The following QTMAN variants were observed in gnomAD, a reference collection of about 807,000 sequenced individuals.
The protein encoded by QTMAN is queuosine-tRNA mannosyltransferase.
the QTMAN span, chr2:144,177,252 T>TAAAA: frequency 5.1e-4 from 297 of 583,430 alleles, no homozygotes; most frequent in Admixed American, 1.4e-3. Flanking sequence ...TTGATCCCAA[T>TAAAA]AAAAAAAAAA....
the QTMAN span, among the ~76,000 whole-genome samples, chr2:144,076,095 A>G: frequency 2.0e-5 from 3 of 152,148 alleles, no homozygotes; most frequent in Non-Finnish European, 2.9e-5. Context: ...AAAAATACAA[A>G]AATTAGCTGG....
chr2:144,050,125 G>T, the QTMAN span, among the ~76,000 whole-genome samples: 4 of 151,908 alleles, frequency 2.6e-5, no homozygotes, highest in Non-Finnish European at 5.9e-5. Flanking sequence ...AATTCCAAAG[G>T]CTTTGTATTT....
At chr2:143,957,510 A>C in the QTMAN span, among the ~76,000 whole-genome samples, 1 of 152,154 alleles carries the variant, frequency 6.6e-6, no homozygotes, top group Non-Finnish European at 1.5e-5. Flanking sequence ...CCAAATGTTA[A>C]GGTGCCAAAA....
the QTMAN span, among the ~76,000 whole-genome samples, chr2:144,267,197 G>C: frequency 6.6e-6 from 1 of 152,194 alleles, no homozygotes; most frequent in Non-Finnish European, 1.5e-5. Flanking sequence ...ATCAGAGTGT[G>C]AGAATTATGA....
chr2:144,330,453 C>T, the QTMAN span, among the ~76,000 whole-genome samples: 2 of 152,294 alleles, frequency 1.3e-5, no homozygotes, highest in South Asian at 2.1e-4. Context: ...GGTTTATATA[C>T]ACCATAACTC....
the QTMAN span, among the ~76,000 whole-genome samples, chr2:144,285,669 C>G: frequency 6.6e-6 from 1 of 152,052 alleles, no homozygotes. Context: ...GAAAAAGATA[C>G]AATTACAAAG....
the QTMAN span, among the ~76,000 whole-genome samples, chr2:144,229,062 T>C: frequency 2.0e-5 from 3 of 152,334 alleles, no homozygotes; most frequent in East Asian, 5.8e-4. Flanking sequence ...GAAAACTTTT[T>C]GAATTTGAAA....
At chr2:144,138,992 A>G in the QTMAN span, among the ~76,000 whole-genome samples, 7 of 152,082 alleles carry the variant, frequency 4.6e-5, no homozygotes, top group Non-Finnish European at 7.4e-5. Context: ...GGTTTTGCCA[A>G]TCAAATATGA....
chr2:144,087,871 C>T, the QTMAN span, among the ~76,000 whole-genome samples: 1 of 152,006 alleles, frequency 6.6e-6, no homozygotes, highest in Non-Finnish European at 1.5e-5. Flanking sequence ...TGAAAGAAAG[C>T]CTTTCCTTTA....
the QTMAN span, among the ~76,000 whole-genome samples, chr2:144,020,943 T>A: frequency 6.8e-6 from 1 of 147,896 alleles, no homozygotes. Context: ...AAGGGCTGAA[T>A]GATAAAGTGG....
At chr2:144,128,763 GTTCTAA>G in the QTMAN span, among the ~76,000 whole-genome samples, 105 of 151,762 alleles carry the variant, frequency 6.9e-4, no homozygotes, top group African/African-American at 2.4e-3. Flanking sequence ...GTTCTGAAAA[GTTCTAA>G]TTCTATTCTT....
the QTMAN span, among the ~76,000 whole-genome samples, chr2:144,222,701 G>A: frequency 7.2e-5 from 11 of 152,078 alleles, no homozygotes; most frequent in East Asian, 2.0e-4. Flanking sequence ...CCAGCTGCTC[G>A]GGAGGCTGAG....
At chr2:144,242,910 C>T in the QTMAN span, among the ~76,000 whole-genome samples, 1 of 143,572 alleles carries the variant, frequency 7.0e-6, no homozygotes, top group African/African-American at 2.7e-5. Flanking sequence ...TGCAGTGAGC[C>T]GAAATTGCAC....
chr2:144,095,503 T>A, the QTMAN span, among the ~76,000 whole-genome samples: 1 of 152,186 alleles, frequency 6.6e-6, no homozygotes, highest in South Asian at 2.1e-4. Flanking sequence ...GCCTAGCACC[T>A]GCCACACAAT....
chr2:143,981,436 C>T, the QTMAN span, among the ~76,000 whole-genome samples: 6 of 151,798 alleles, frequency 4.0e-5, no homozygotes, highest in Admixed American at 3.9e-4. Context: ...TTTTCATATT[C>T]AGTTGTGGAC....
At chr2:144,109,016 C>T in the QTMAN span, among the ~76,000 whole-genome samples, 5 of 152,132 alleles carry the variant, frequency 3.3e-5, no homozygotes, top group Admixed American at 6.5e-5. Flanking sequence ...CAATGCCATC[C>T]CCATCAAGCT....
chr2:144,319,995 G>A, the QTMAN span: 3 of 152,166 alleles, frequency 2.0e-5, no homozygotes, highest in African/African-American at 7.2e-5. Flanking sequence ...ACTATTGCCT[G>A]GGCACTAAAA....
chr2:144,032,903 G>C, the QTMAN span, among the ~76,000 whole-genome samples: 1 of 152,128 alleles, frequency 6.6e-6, no homozygotes, highest in African/African-American at 2.4e-5. Flanking sequence ...ACTTAGCATT[G>C]TGAAACTCAA....
the QTMAN span, among the ~76,000 whole-genome samples, chr2:144,030,009 A>G: frequency 1.3e-5 from 2 of 152,176 alleles, no homozygotes; most frequent in African/African-American, 2.4e-5. Flanking sequence ...TGACATCTCT[A>G]TGAGGTTGAG....
Sources: allele counts gnomAD v4.1 joint callset (sites outside exome capture counted in the v4.1 genomes callset), GRCh38; gene constraint gnomAD v4.1.1; transcripts MANE v1.5; gene names NCBI Gene and HGNC (gene_info 2026-07-23, HGNC 2026-07-21).